The following CASK variants were observed in gnomAD, a reference collection of about 807,000 sequenced individuals.
The protein encoded by CASK is calcium/calmodulin dependent serine protein kinase.
Under a neutral mutation model 82.9 loss-of-function variants are expected in CASK, and 4 were observed. The observed-to-expected ratio is 0.05, with a 90% CI of 0.02 to 0.11. CASK has a LOEUF of 0.11. Among genes scored for constraint, CASK ranks in the 10% least tolerant of loss-of-function variants. The probability of loss-of-function intolerance (pLI) is 1.00; values close to 1 mark genes in which losing one functional copy is unlikely to be tolerated. For synonymous variants in CASK, 259 were observed against 253.5 expected, an observed-to-expected ratio of 1.02 and a Z score of -0.20; for missense variants, 358 against 720.9, an observed-to-expected ratio of 0.50 and a Z score of 5.76.
chrX:41,776,374 A>C (rs1369553124), intron 3 of CASK, among the ~76,000 whole-genome samples: 1 of 112,936 alleles, frequency 8.9e-6, no homozygotes, highest in African/African-American at 3.2e-5. Flanking sequence ...CAGAAAAAAG[A>C]CATTTGATAA....
At chrX:41,619,286 A>G (rs762615097) in intron 11 of CASK, among the ~76,000 whole-genome samples, 50 of 110,588 alleles carry the variant, frequency 4.5e-4, no homozygotes, top group Non-Finnish European at 8.1e-4. Context: ...GTATCTAAAA[A>G]TCAGGTTTAT....
At chrX:41,837,594 T>C (rs2070951051) in intron 2 of CASK, among the ~76,000 whole-genome samples, 1 of 112,322 alleles carries the variant, frequency 8.9e-6, no homozygotes, top group Non-Finnish European at 1.9e-5. Context: ...AATCATACAG[T>C]ACACGACAAT....
intron 16 of CASK, among the ~76,000 whole-genome samples, chrX:41,568,279 G>A (rs1200977501): frequency 3.6e-5 from 4 of 110,389 alleles, no homozygotes; most frequent in Admixed American, 1.9e-4. Context: ...AAAGAATGAT[G>A]TTGTGGCTTT....
chrX:41,606,120 T>C (rs1240018977), intron 12 of CASK, among the ~76,000 whole-genome samples: 2 of 112,582 alleles, frequency 1.8e-5, no homozygotes, highest in Admixed American at 9.4e-5. Context: ...GAATTCTTCA[T>C]TGATTATATT....
intron 2 of CASK, among the ~76,000 whole-genome samples, chrX:41,829,609 T>G (rs1403535823): frequency 1.5e-4 from 4 of 27,055 alleles, no homozygotes; most frequent in Admixed American, 4.1e-4. Context: ...TGTTTTTGTT[T>G]TTTTTTTTTT....
At chrX:41,873,643 C>A (rs1035044302) in intron 1 of CASK, among the ~76,000 whole-genome samples, 5 of 111,403 alleles carry the variant, frequency 4.5e-5, no homozygotes, top group African/African-American at 1.6e-4. Context: ...GACCACAATT[C>A]TTTCTAGGGA....
intron 16 of CASK, among the ~76,000 whole-genome samples, chrX:41,566,898 A>C (rs768007200): frequency 4.1e-4 from 46 of 111,928 alleles, no homozygotes; most frequent in African/African-American, 1.2e-3. Context: ...AGATATAGAC[A>C]AATGGAACAG....
At chrX:41,735,713 G>A (rs752240043) in intron 5 of CASK, among the ~76,000 whole-genome samples, 1 of 110,542 alleles carries the variant, frequency 9.0e-6, no homozygotes. Context: ...GGCTACTTGT[G>A]TTCCTGTCTT....
At chrX:41,706,137 T>C (rs768066856) in intron 5 of CASK, among the ~76,000 whole-genome samples, 5 of 111,839 alleles carry the variant, frequency 4.5e-5, no homozygotes, top group Non-Finnish European at 7.5e-5. Flanking sequence ...TTCAGCTGGC[T>C]GCAAAGGGAA....
chrX:41,587,450 A>G (rs1393500667), intron 13 of CASK: 1 of 114,375 alleles, frequency 8.7e-6, no homozygotes, highest in Non-Finnish European at 1.8e-5. Context: ...GAACTAATTA[A>G]TTAGACTACT....
At chrX:41,607,697 A>G (rs1354237002) in intron 12 of CASK, among the ~76,000 whole-genome samples, 3 of 112,062 alleles carry the variant, frequency 2.7e-5, no homozygotes, top group Non-Finnish European at 5.6e-5. Flanking sequence ...CAGTTGCCAA[A>G]GAATGTGAGA....
intron 2 of CASK, among the ~76,000 whole-genome samples, chrX:41,829,608 T>TA (rs2070741093): frequency 2.9e-5 from 1 of 35,021 alleles, no homozygotes; most frequent in East Asian, 1.2e-3. Flanking sequence ...ATGTTTTTGT[T>TA]TTTTTTTTTT....
chrX:41,640,912 T>C (rs761322154), intron 8 of CASK, among the ~76,000 whole-genome samples: 2 of 109,492 alleles, frequency 1.8e-5, no homozygotes, highest in African/African-American at 6.6e-5. Flanking sequence ...TCAATTATGA[T>C]ATCAATTATT....
At chrX:41,783,363 G>A (rs1461882814) in intron 3 of CASK, among the ~76,000 whole-genome samples, 11 of 109,533 alleles carry the variant, frequency 1.0e-4, no homozygotes, top group Admixed American at 2.9e-4. Context: ...TCAGGAGTTC[G>A]AGACCAGCCT....
chrX:41,805,358 C>T lies in CASK; in HGVS notation c.173-18075G>A, dbSNP rs529841963. On this transcript the variant is annotated intron_variant, in intron 2 of 26. Transcript: ENST00000378163. ...ACTGTAGGAAATGCTTTAAGTAGTA[C>T]AGTAGGTGCTAGATTACCACATCTA... 3.6e-5 allele frequency among the ~76,000 whole-genome samples: 4 copies of T among 111,753 alleles called. No individual in the cohort carries two copies. In the South Asian group the frequency reaches 1.5e-3, roughly 42 times the overall value.
At chrX:41,543,543 C>T (rs1447847968) in intron 21 of CASK, among the ~76,000 whole-genome samples, 2 of 112,072 alleles carry the variant, frequency 1.8e-5, no homozygotes, top group Non-Finnish European at 3.8e-5. Context: ...GTTATAACCA[C>T]AATCAGGAAA....
intron 4 of CASK, among the ~76,000 whole-genome samples, chrX:41,739,700 TAC>T (rs1327134429): frequency 8.9e-6 from 1 of 112,296 alleles, no homozygotes; most frequent in East Asian, 2.8e-4. Flanking sequence ...TCAAAAGAAT[TAC>T]ACATAGTTCA....
At chrX:41,524,177 C>T in intron 25 of CASK, 143 bp from the exon 26 acceptor site, 1 of 480,907 alleles carries the variant, frequency 2.1e-6, no homozygotes, top group South Asian at 3.2e-5. Flanking sequence ...ATTAAATTTA[C>T]CAACTTTATA....
intron 2 of CASK, among the ~76,000 whole-genome samples, chrX:41,815,866 A>C (rs1235679840): frequency 8.9e-6 from 1 of 112,208 alleles, no homozygotes; most frequent in Non-Finnish European, 1.9e-5. Context: ...TGATAAAAAC[A>C]AAGTTTTTTT....
Sources: allele counts gnomAD v4.1 joint callset (sites outside exome capture counted in the v4.1 genomes callset), GRCh38; gene constraint gnomAD v4.1.1; transcripts MANE v1.5; gene names NCBI Gene and HGNC (gene_info 2026-07-23, HGNC 2026-07-21).